CDH13: variants seen among roughly 807,000 people sequenced by gnomAD.
CDH13 encodes cadherin-13.
A neutral mutation model predicts 63.8 loss-of-function variants in CDH13; 24 were observed. The observed-to-expected ratio is 0.38, with a 90% CI of 0.27 to 0.53. The LOEUF (loss-of-function observed/expected upper bound fraction) is 0.53. CDH13 is among the 20% of genes least tolerant of loss of function. The probability of loss-of-function intolerance (pLI) is 0.85; values close to 1 mark genes in which losing one functional copy is unlikely to be tolerated. For missense variants in CDH13, 1,049 were observed against 903.1 expected, an observed-to-expected ratio of 1.16 and a Z score of -2.07; for synonymous variants, 503 against 355.3, an observed-to-expected ratio of 1.42 and a Z score of -4.67.
At chr16:83,433,916 C>A (rs778644610) in intron 6 of CDH13, among the ~76,000 whole-genome samples, 6 of 152,164 alleles carry the variant, frequency 3.9e-5, no homozygotes, top group African/African-American at 1.4e-4. Flanking sequence ...TGCTTAGTGG[C>A]TCGTTGGAAA....
At chr16:82,917,015 A>G (rs2042010037) in intron 2 of CDH13, among the ~76,000 whole-genome samples, 2 of 152,234 alleles carry the variant, frequency 1.3e-5, no homozygotes, top group African/African-American at 2.4e-5. Flanking sequence ...TGTAAAAGTG[A>G]TCGTTGACAA....
intron 7 of CDH13, among the ~76,000 whole-genome samples, chr16:83,578,023 C>T (rs1905210996): frequency 6.6e-6 from 1 of 152,126 alleles, no homozygotes; most frequent in African/African-American, 2.4e-5. Flanking sequence ...ATAATAGAAA[C>T]ATTTTCCATG....
intron 1 of CDH13, among the ~76,000 whole-genome samples, chr16:82,858,134 T>C (rs927158373): frequency 5.3e-5 from 8 of 152,218 alleles, no homozygotes; most frequent in Non-Finnish European, 7.3e-5. Flanking sequence ...AGTTATTTCT[T>C]TAACTGCAAT....
chr16:82,983,738 A>AAT (rs1910586378), intron 2 of CDH13, among the ~76,000 whole-genome samples: 1 of 152,150 alleles, frequency 6.6e-6, no homozygotes, highest in South Asian at 2.1e-4. Context: ...AATGGACACA[A>AAT]ATATATATGC....
intron 7 of CDH13, among the ~76,000 whole-genome samples, chr16:83,593,936 C>T (rs768630586): frequency 6.6e-6 from 1 of 152,178 alleles, no homozygotes; most frequent in African/African-American, 2.4e-5. Context: ...GAAAAATTGT[C>T]TCAAAACTTA....
intron 10 of CDH13, among the ~76,000 whole-genome samples, chr16:83,738,544 G>GTTGTAACA (rs1486571292): frequency 6.6e-6 from 1 of 152,196 alleles, no homozygotes; most frequent in Non-Finnish European, 1.5e-5. Context: ...CCCTACCACT[G>GTTGTAACA]TGCCTACAAG....
intron 8 of CDH13, among the ~76,000 whole-genome samples, chr16:83,651,500 G>C (rs1465521444): frequency 6.6e-6 from 1 of 151,122 alleles, no homozygotes; most frequent in Non-Finnish European, 1.5e-5. Context: ...GAGGTTAAAT[G>C]ACCTGCCAAA....
intron 8 of CDH13, among the ~76,000 whole-genome samples, chr16:83,650,016 TGCGG>T (rs1249348999): frequency 1.3e-5 from 2 of 152,076 alleles, no homozygotes; most frequent in African/African-American, 4.8e-5. Context: ...AAATGGAAAA[TGCGG>T]TGTTTTAATT....
intron 6 of CDH13, among the ~76,000 whole-genome samples, 188 bp downstream of exon 6, chr16:83,345,194 C>T (rs1465957640): frequency 6.6e-6 from 1 of 152,184 alleles, no homozygotes; most frequent in Non-Finnish European, 1.5e-5. Context: ...GTGTTGCAAG[C>T]TACGGAAATC....
chr16:83,089,395 T>C (rs1161266089), intron 3 of CDH13, among the ~76,000 whole-genome samples: 1 of 152,238 alleles, frequency 6.6e-6, no homozygotes, highest in Non-Finnish European at 1.5e-5. Context: ...CACTATTCTA[T>C]CCATTAGGGC....
chr16:83,781,566 G>C lies in CDH13; in HGVS notation c.1915+1365G>C, dbSNP rs565248719. On this transcript the variant is annotated intron_variant, in intron 12 of 13. Coordinates refer to ENST00000567109, the MANE Select transcript of CDH13 (RefSeq NM_001257.5). ...CTCATTTTTTTAGTGCCTTTTGCTT[G>C]TTATTGATTCTATTTGCCTGTTTGT... Among the ~76,000 whole-genome samples the C allele has an allele frequency of 1.8e-4, 27 of 152,028 alleles. No individual in the cohort carries two copies. In the South Asian group the frequency reaches 5.6e-3, roughly 32 times the overall value.
intron 7 of CDH13, among the ~76,000 whole-genome samples, chr16:83,565,383 C>CTTTTTTTTTTTTTTTT (rs369127310): frequency 7.7e-6 from 1 of 130,612 alleles, no homozygotes. Context: ...TTCCACTGTT[C>CTTTTTTTTTTTTTTTT]TTTTTTTTTT....
At chr16:83,723,287 T>A (rs889703819) in intron 10 of CDH13, among the ~76,000 whole-genome samples, 32 of 152,192 alleles carry the variant, frequency 2.1e-4, no homozygotes, top group African/African-American at 7.7e-4. Context: ...GGTTTTAGTG[T>A]CTCCATTTCA....
chr16:83,602,123 AAAAAAAAAAAAAAAAAAAAACC>A (rs1388469708), intron 7 of CDH13, among the ~76,000 whole-genome samples: 1 of 101,076 alleles, frequency 9.9e-6, no homozygotes, highest in East Asian at 2.4e-4. Context: ...AAAAAAAAAA[AAAAAAAAAAAAAAAAAAAAACC>A]CAAAGGACAA....
intron 1 of CDH13, among the ~76,000 whole-genome samples, chr16:82,828,020 T>A (rs1192418138): frequency 1.3e-5 from 2 of 152,074 alleles, no homozygotes; most frequent in African/African-American, 4.8e-5. Context: ...ACCTCTCAGT[T>A]CTAGACAAAC....
chr16:83,725,650 G>T (rs1172387956), intron 10 of CDH13: 1 of 152,216 alleles, frequency 6.6e-6, no homozygotes, highest in Non-Finnish European at 1.5e-5. Flanking sequence ...ACCAAAAACA[G>T]CAACAAAGTG....
chr16:83,042,536 T>A (rs1393585752), intron 3 of CDH13, among the ~76,000 whole-genome samples: 2 of 152,156 alleles, frequency 1.3e-5, no homozygotes, highest in Non-Finnish European at 2.9e-5. Flanking sequence ...CATTGTATAT[T>A]ACAATTAACT....
At chr16:83,698,032 C>T (rs530514588) in intron 10 of CDH13, among the ~76,000 whole-genome samples, 2 of 152,348 alleles carry the variant, frequency 1.3e-5, no homozygotes, top group Admixed American at 1.3e-4. Flanking sequence ...CCTGTCTCCC[C>T]ACACTAAACT....
intron 7 of CDH13, among the ~76,000 whole-genome samples, chr16:83,539,218 C>A (rs1386184003): frequency 1.3e-5 from 2 of 152,106 alleles, no homozygotes; most frequent in South Asian, 4.1e-4. Flanking sequence ...GAAACTATTG[C>A]ACCTCAGATC....
Sources: gnomAD v4.1 joint callset for allele counts (sites outside exome capture counted in the v4.1 genomes callset) on GRCh38, gnomAD v4.1.1 for gene constraint, MANE v1.5 for transcripts, NCBI Gene and HGNC (gene_info 2026-07-23, HGNC 2026-07-21) for gene names.